Variants in ITIH5 observed in about 807,000 individuals in gnomAD.
The protein encoded by ITIH5 is inter-alpha-trypsin inhibitor heavy chain H5.
A neutral mutation model predicts 77.5 loss-of-function variants in ITIH5; 65 were observed. The observed-to-expected ratio is 0.84, with a 90% CI of 0.69 to 1.03. ITIH5 has a LOEUF of 1.03. Ranked by LOEUF, ITIH5 falls within the 50% of genes least tolerant of loss-of-function variation. ITIH5 has a pLI of 0.00. For missense variants in ITIH5, 1,208 were observed against 1,213.1 expected (o/e 1.00, Z 0.06); for synonymous variants, 525 against 494.3 (o/e 1.06, Z -0.82).
chr10:7,605,629 G>T (rs1588393414), intron 7 of ITIH5, among the ~76,000 whole-genome samples: 1 of 152,002 alleles, frequency 6.6e-6, no homozygotes, highest in Admixed American at 6.6e-5. Flanking sequence ...GTGACAGTCA[G>T]GTGTCCCGAA....
At chr10:7,661,531 A>AT (rs901772206) in intron 1 of ITIH5, among the ~76,000 whole-genome samples, 14 of 152,298 alleles carry the variant, frequency 9.2e-5, no homozygotes, top group African/African-American at 3.4e-4. Flanking sequence ...GAATATTCCC[A>AT]TTTGGGTAAT....
chr10:7,666,321 G>A (rs925375975), intron 1 of ITIH5, among the ~76,000 whole-genome samples: 6 of 152,064 alleles, frequency 3.9e-5, no homozygotes, highest in African/African-American at 1.2e-4. Flanking sequence ...ACCACCGGTA[G>A]GTAGTCGCTA....
Position 7,561,764 on chromosome 10 carries a change from G to C in ITIH5, c.*1319C>G, listed in dbSNP as rs1832044403. 6.6e-6 allele frequency: 1 copy of C among 152,210 alleles called. No homozygotes were observed. Among genetic ancestry groups the C allele is most frequent in the Non-Finnish European group, 1.5e-5 (1 of 68,054 alleles). The allele number at this position is 152,210 out of a possible 1,614,324, so 9.4% of individuals were successfully genotyped here. A position where few individuals can be genotyped will look rare whatever the true frequency, so the allele number is the denominator to read the frequency against. ...TAAGCATGCCTTCTCATTTCACGCG[G>C]GGGCTGCTCTGGTGTCAAGCCCCGT... On this transcript the variant is annotated 3_prime_UTR_variant, in exon 14 of 14. Transcript: ENST00000397146.
At chr10:7,613,830 C>T (rs1204460833) in intron 7 of ITIH5, among the ~76,000 whole-genome samples, 2 of 152,154 alleles carry the variant, frequency 1.3e-5, no homozygotes, top group East Asian at 3.9e-4. Context: ...ACACTGTGTG[C>T]AAAGCAGAAA....
Position 7,590,751 on chromosome 10 carries a change from TC to T in ITIH5, c.940-4683del, listed in dbSNP as rs1832776781. Among the ~76,000 whole-genome samples the T allele has an allele frequency of 2.0e-5, 3 of 152,294 alleles. No homozygotes were observed. The South Asian group carries it at 6.2e-4, about 32-fold the overall frequency. ...CCAAGACTCTTCCCTTAGGATAAATTCCCATACGTGGAAGCGGAGCGACAAA... is the reference window on the plus strand; with the variant it reads ...CCAAGACTCTTCCCTTAGGATAAATTCCATACGTGGAAGCGGAGCGACAAA... On this transcript the variant is annotated intron_variant, in intron 7 of 13. Transcript: ENST00000397146.
chr10:7,588,993 C>T (rs570202001), intron 7 of ITIH5, among the ~76,000 whole-genome samples: 7 of 152,238 alleles, frequency 4.6e-5, no homozygotes, highest in Non-Finnish European at 8.8e-5. Context: ...ATCTGCAGCC[C>T]CAGGACGGCT....
chr10:7,641,371 G>C (rs1003457523), intron 3 of ITIH5, among the ~76,000 whole-genome samples: 11 of 151,898 alleles, frequency 7.2e-5, no homozygotes, highest in Non-Finnish European at 1.6e-4. Context: ...TATCATATTT[G>C]CAACTGTCTG....
At chr10:7,630,497 C>A (rs962667164) in intron 5 of ITIH5, among the ~76,000 whole-genome samples, 2 of 152,192 alleles carry the variant, frequency 1.3e-5, no homozygotes, top group African/African-American at 4.8e-5. Flanking sequence ...TTGTAACTTT[C>A]CTTTGTTTGT....
intron 2 of ITIH5, among the ~76,000 whole-genome samples, chr10:7,642,421 A>T (rs1406699024): frequency 6.6e-6 from 1 of 152,210 alleles, no homozygotes; most frequent in African/African-American, 2.4e-5. Flanking sequence ...TTTAGAAGTA[A>T]AGTATGTGCT....
chr10:7,593,018 T>C (rs1040968177), intron 7 of ITIH5, among the ~76,000 whole-genome samples: 1 of 152,096 alleles, frequency 6.6e-6, no homozygotes, highest in Non-Finnish European at 1.5e-5. Context: ...GCTGCTGCTT[T>C]AGCTGCTGGC....
intron 5 of ITIH5, among the ~76,000 whole-genome samples, chr10:7,629,644 T>C (rs1464268909): frequency 6.6e-6 from 1 of 152,248 alleles, no homozygotes; most frequent in East Asian, 1.9e-4. Flanking sequence ...GTGGCATGTA[T>C]CTGTGTTTCA....
intron 2 of ITIH5, among the ~76,000 whole-genome samples, chr10:7,650,434 T>C (rs1303344180): frequency 6.6e-6 from 1 of 152,136 alleles, no homozygotes; most frequent in African/African-American, 2.4e-5. Flanking sequence ...TGCTTCTCCT[T>C]TCTGAGAAAA....
intron 12 of ITIH5, among the ~76,000 whole-genome samples, chr10:7,567,216 C>T (rs996236558): frequency 7.2e-5 from 11 of 151,994 alleles, no homozygotes; most frequent in African/African-American, 2.2e-4. Context: ...TTACCATGTT[C>T]GTCTGGTTTC....
intron 5 of ITIH5, among the ~76,000 whole-genome samples, chr10:7,635,607 A>G (rs908249014): frequency 2.6e-5 from 4 of 152,198 alleles, no homozygotes; most frequent in African/African-American, 9.6e-5. Context: ...TGAGTCCAAC[A>G]CATAACAAAG....
chr10:7,626,966 C>T (rs930589712), intron 5 of ITIH5, among the ~76,000 whole-genome samples: 1 of 152,214 alleles, frequency 6.6e-6, no homozygotes, highest in African/African-American at 2.4e-5. Context: ...CCTGATAGCA[C>T]TGTCATAACC....
At position 7,565,917 on chromosome 10, in the gene ITIH5, C is replaced by A. The variant is rs1832144560; in HGVS notation, c.2527+113G>T. 2.8e-6 allele frequency: 4 copies of A among 1,428,492 alleles called. No individual in the cohort carries two copies. The East Asian group carries it at 6.9e-5, about 25-fold the overall frequency. 88.5% of individuals were successfully genotyped at this position (1,428,492 alleles called of 1,614,324 possible). On this transcript the variant is annotated intron_variant, in intron 13 of 13. Coordinates refer to ENST00000397146, the MANE Select transcript of ITIH5 (RefSeq NM_030569.7). Reference sequence around the variant, plus strand: ...ATGCGGACTGTATATATAATGAAAACCACATTCCTATTGAATTTCTCAATC... The same window carrying A: ...ATGCGGACTGTATATATAATGAAAAACACATTCCTATTGAATTTCTCAATC...
chr10:7,628,570 G>C (rs76642142), intron 5 of ITIH5, among the ~76,000 whole-genome samples: 1 of 149,916 alleles, frequency 6.7e-6, no homozygotes, highest in African/African-American at 2.4e-5. Flanking sequence ...GTTGTGACAT[G>C]TGTCCATGCT....
chr10:7,565,886 A>T, intron 13 of ITIH5, 144 bp downstream of exon 13: 1 of 1,036,034 alleles, frequency 9.7e-7, no homozygotes, highest in Non-Finnish European at 1.4e-6. Flanking sequence ...ACATACATAC[A>T]TACATATGCG....
rs770066744 is a variant in ITIH5, at chr10:7,563,209, C to A, written c.2703G>T (p.Gln901His). 2 of 1,614,254 alleles carry A rather than the reference C, an allele frequency of 1.2e-6. No individual in the cohort carries two copies. Among genetic ancestry groups the A allele is most frequent in the South Asian group, 1.1e-5 (1 of 91,084 alleles). The change falls in exon 14 of 14, where the codon CAG (glutamine) becomes CAT (histidine). Residue 901 changes from glutamine to histidine, a missense_variant. Gln to His is a conservative substitution (Grantham distance 24). Coordinates refer to ENST00000397146, the MANE Select transcript of ITIH5 (RefSeq NM_030569.7). ...TGTTCCTGGCAAACCAGCAGTCTAT[C>A]TGCTCTTCCCCGTTGTAAATCTTCC... ...KQRKIYNGEE[Q>H]IDCWFARNNA...
Sources: allele counts gnomAD v4.1 joint callset (sites outside exome capture counted in the v4.1 genomes callset), GRCh38; gene constraint gnomAD v4.1.1; transcripts MANE v1.5; gene names NCBI Gene and HGNC (gene_info 2026-07-23, HGNC 2026-07-21).